The following PRH1 variants were observed in gnomAD, a reference collection of about 807,000 sequenced individuals.
PRH1 encodes the protein salivary acidic proline-rich phosphoprotein 1/2.
A neutral mutation model predicts 7.9 loss-of-function variants in PRH1; 7 were observed. The observed-to-expected ratio is 0.89, with a 90% CI of 0.50 to 1.67. PRH1 has a LOEUF of 1.67. Ranked by LOEUF, PRH1 falls within the 40% of genes most tolerant of loss-of-function variation. The pLI, the probability that PRH1 is intolerant of heterozygous loss-of-function variation, is 0.00. For synonymous variants in PRH1, 45 were observed against 80.8 expected (o/e 0.56, Z 2.38); for missense variants, 109 against 223.6 (o/e 0.49, Z 3.27).
chr12:11,127,824 TGGCC>T (rs1179185344), intron 1 of PRH1, among the ~76,000 whole-genome samples: 4 of 152,254 alleles, frequency 2.6e-5, no homozygotes, highest in Admixed American at 2.6e-4. Flanking sequence ...TCAACTATTT[TGGCC>T]GGACACGGTG....
chr12:11,083,666 T>G (rs78119251), intron 1 of PRH1, among the ~76,000 whole-genome samples: 11 of 151,248 alleles, frequency 7.3e-5, no homozygotes, highest in African/African-American at 2.4e-4. Context: ...CATATACGCC[T>G]TCTTGTTGAT....
chr12:10,997,568 C>T, intron 1 of PRH1: 1 of 1,614,016 alleles, frequency 6.2e-7, no homozygotes, highest in Non-Finnish European at 8.5e-7. Flanking sequence ...ATAAAATATG[C>T]TGAGGCTAGT....
intron 1 of PRH1, among the ~76,000 whole-genome samples, chr12:10,978,882 C>T (rs888554176): frequency 3.3e-5 from 5 of 149,596 alleles, no homozygotes; most frequent in Admixed American, 2.7e-4. Context: ...CTCTCACACC[C>T]CTCAGAATGC....
intron 1 of PRH1, among the ~76,000 whole-genome samples, chr12:11,103,124 A>T (rs1348565502): frequency 1.3e-5 from 2 of 152,174 alleles, no homozygotes; most frequent in Non-Finnish European, 2.9e-5. Context: ...ATTGTGGAAG[A>T]CAGTGTGGCG....
chr12:11,164,091 T>C lies in PRH1; in HGVS notation n.39+7331A>G, dbSNP rs1340236485. The stretch of plus-strand genomic sequence containing the variant: ...TAGCTGTGATGGTTAATTTTACATA[T>C]CAACTTGACTGGGTTAAAGAATACC... On this transcript the variant is annotated intron_variant and non_coding_transcript_variant, in intron 1 of 1. Transcript: ENST00000541175. Among the ~76,000 whole-genome samples, 3 of 152,232 alleles carry C rather than the reference T, an allele frequency of 2.0e-5. 1 individual carries two copies. In the East Asian group the frequency reaches 5.8e-4, roughly 29 times the overall value.
chr12:11,048,564 C>A (rs111568930), upstream of PRH1: 71,672 of 349,538 alleles, frequency 0.21, 2 homozygotes, highest in South Asian at 0.38. Flanking sequence ...GGAAGGAGAT[C>A]ACAGTTTGCA....
chr12:11,092,131 A>C (rs199862459), intron 1 of PRH1: 2 of 1,307,550 alleles, frequency 1.5e-6, no homozygotes, highest in Non-Finnish European at 2.1e-6. Context: ...TGAACCACTC[A>C]ATGGAATTTA....
At chr12:10,895,748 T>C (rs745678884) in intron 2 of PRH1, 1 of 152,194 alleles carries the variant, frequency 6.6e-6, no homozygotes, top group Non-Finnish European at 1.5e-5. Context: ...GAGAATAAAA[T>C]CAATCAGGGA....
chr12:10,921,359 TA>T (rs1359009105), intron 2 of PRH1, among the ~76,000 whole-genome samples: 1 of 152,114 alleles, frequency 6.6e-6, no homozygotes, highest in African/African-American at 2.4e-5. Flanking sequence ...GTTGATTTAT[TA>T]AAGTTTTTTA....
intron 1 of PRH1, among the ~76,000 whole-genome samples, chr12:11,013,631 T>C (rs1941158944): frequency 2.0e-5 from 3 of 152,172 alleles, no homozygotes; most frequent in Admixed American, 2.0e-4. Context: ...TATCAATCTA[T>C]TGATATTAAA....
At chr12:11,018,890 T>C (rs1941434970) in intron 1 of PRH1, among the ~76,000 whole-genome samples, 2 of 152,368 alleles carry the variant, frequency 1.3e-5, no homozygotes, top group South Asian at 2.1e-4. Flanking sequence ...TTAGATGAAC[T>C]CGCCCGAAGG....
chr12:10,929,931 A>G (rs1480569462), intron 2 of PRH1, among the ~76,000 whole-genome samples: 1 of 152,202 alleles, frequency 6.6e-6, no homozygotes, highest in Non-Finnish European at 1.5e-5. Context: ...TTGCAAACAT[A>G]AACAACATAT....
intron 1 of PRH1, among the ~76,000 whole-genome samples, chr12:11,123,424 A>C (rs1945984721): frequency 6.6e-6 from 1 of 152,152 alleles, no homozygotes; most frequent in Admixed American, 6.5e-5. Flanking sequence ...GACTAAATTT[A>C]TTCCTGTCAC....
intron 2 of PRH1, among the ~76,000 whole-genome samples, chr12:10,899,927 A>T (rs1057277298): frequency 2.0e-5 from 3 of 152,240 alleles, no homozygotes; most frequent in African/African-American, 7.2e-5. Context: ...TGAATTCTTA[A>T]TTTAAAACTT....
intron 1 of PRH1, among the ~76,000 whole-genome samples, chr12:11,103,615 C>T (rs1292267296): frequency 6.6e-6 from 1 of 151,874 alleles, no homozygotes; most frequent in Non-Finnish European, 1.5e-5. Flanking sequence ...GTGCAGCACA[C>T]CAACAAGCAC....
At chr12:10,972,043 T>G (rs1938839277) in intron 2 of PRH1, among the ~76,000 whole-genome samples, 1 of 152,202 alleles carries the variant, frequency 6.6e-6, no homozygotes, top group African/African-American at 2.4e-5. Context: ...CAGATCATTT[T>G]GAGAAAATAT....
At chr12:10,886,452 A>G (rs1401757985), upstream of PRH1, among the ~76,000 whole-genome samples, 1 of 152,202 alleles carries the variant, frequency 6.6e-6, no homozygotes, top group African/African-American at 2.4e-5. Flanking sequence ...CAATGTCAGC[A>G]ATCAGCGAGA....
At chr12:11,110,769 GCAT>G (rs1945566758) in intron 1 of PRH1, among the ~76,000 whole-genome samples, 2 of 152,012 alleles carry the variant, frequency 1.3e-5, no homozygotes, top group African/African-American at 4.8e-5. Flanking sequence ...TAACCAGCTA[GCAT>G]CATAATTATA....
At chr12:11,041,569 C>T (rs1298543308) in intron 1 of PRH1, among the ~76,000 whole-genome samples, 2 of 152,122 alleles carry the variant, frequency 1.3e-5, no homozygotes, top group Non-Finnish European at 2.9e-5. Context: ...TTGGACAGAT[C>T]CTCCAGACAG....
Sources: gnomAD v4.1 joint callset for allele counts (sites outside exome capture counted in the v4.1 genomes callset) on GRCh38, gnomAD v4.1.1 for gene constraint, MANE v1.5 for transcripts, NCBI Gene and HGNC (gene_info 2026-07-23, HGNC 2026-07-21) for gene names.